Variants in DNAJC15 observed in about 807,000 individuals in gnomAD.
DNAJC15 encodes the protein DnaJ heat shock protein family (Hsp40) member C15, also known as dnaJ homolog subfamily C member 15.
DNAJC15 carries 27 observed loss-of-function variants against 22.4 expected under a neutral mutation model. The ratio of observed to expected loss-of-function variants is 1.20; its 90% CI spans 0.89 to 1.66. The LOEUF is 1.66. DNAJC15 is among the 40% of genes most tolerant of loss of function. The pLI, the probability that DNAJC15 is intolerant of heterozygous loss-of-function variation, is 0.00. For missense variants in DNAJC15, 208 were observed against 187.1 expected, an observed-to-expected ratio of 1.11 and a Z score of -0.65; for synonymous variants, 79 against 63.2, an observed-to-expected ratio of 1.25 and a Z score of -1.19.
rs1467885863 is a variant in DNAJC15, at chr13:43,047,571, A to T, written c.109-18115A>T. 2.0e-5 allele frequency among the ~76,000 whole-genome samples: 3 copies of T among 152,356 alleles called. No individual in the cohort carries two copies. In the East Asian group the frequency reaches 5.8e-4, roughly 29 times the overall value. ...TTTTCATAACCTTGTTTGAATCATTACGAGCATGTTAGGATACAGGTATTT... is the reference window on the plus strand; with the variant it reads ...TTTTCATAACCTTGTTTGAATCATTTCGAGCATGTTAGGATACAGGTATTT... On this transcript the variant is annotated intron_variant, in intron 1 of 5. Transcript: ENST00000379221.
At chr13:43,048,562 ATATC>A (rs2040488557) in intron 1 of DNAJC15, among the ~76,000 whole-genome samples, 1 of 152,238 alleles carries the variant, frequency 6.6e-6, no homozygotes, top group Non-Finnish European at 1.5e-5. Flanking sequence ...TTTTGAATAT[ATATC>A]ATCTTTTTTT....
chr13:43,043,125 A>AT (rs1329106488), intron 1 of DNAJC15, among the ~76,000 whole-genome samples: 1 of 152,016 alleles, frequency 6.6e-6, no homozygotes, highest in African/African-American at 2.4e-5. Flanking sequence ...GTTTATTTTT[A>AT]TTTTTTTGAA....
intron 3 of DNAJC15, 79 bp from the exon 4 acceptor site, chr13:43,078,533 T>G (rs2040646272): frequency 1.8e-6 from 2 of 1,126,924 alleles, no homozygotes; most frequent in Admixed American, 3.9e-5. Flanking sequence ...TTACTCTCAC[T>G]GCAGCTACAT....
Position 43,112,460 on chromosome 13 carries a change from G to A in DNAJC15, c.*5212G>A, listed in dbSNP as rs987812693. ...CAAATTAGTATCTCAACTTAGCAGGGGGGATCAACAGTGGCAAACTTCAAT... is the reference window on the plus strand; with the variant it reads ...CAAATTAGTATCTCAACTTAGCAGGAGGGATCAACAGTGGCAAACTTCAAT... On this transcript the variant is annotated 3_prime_UTR_variant, in exon 6 of 6. Transcript: ENST00000379221. 6.6e-6 allele frequency: 1 copy of A among 152,182 alleles called. No individual in the cohort carries two copies. Among genetic ancestry groups the A allele is most frequent in the Non-Finnish European group, 1.5e-5 (1 of 68,044 alleles). 9.4% of individuals were successfully genotyped at this position (152,182 alleles called of 1,614,324 possible). A position where few individuals can be genotyped will look rare whatever the true frequency, so the allele number is the denominator to read the frequency against.
intron 5 of DNAJC15, among the ~76,000 whole-genome samples, chr13:43,093,875 C>T (rs1214598557): frequency 1.3e-5 from 2 of 151,996 alleles, no homozygotes; most frequent in African/African-American, 2.4e-5. Flanking sequence ...TACATTTTTG[C>T]ACATCTCTTT....
intron 5 of DNAJC15, among the ~76,000 whole-genome samples, chr13:43,094,741 CTT>C (rs1347410256): frequency 6.6e-6 from 1 of 152,080 alleles, no homozygotes; most frequent in East Asian, 1.9e-4. Flanking sequence ...AGTTCTAAAT[CTT>C]TGAGTCTACA....
chr13:43,085,710 TA>T lies in DNAJC15; in HGVS notation c.312-56del. 3 of 1,462,830 alleles carry T rather than the reference TA, an allele frequency of 2.1e-6. No individual in the cohort carries two copies. The Admixed American group carries it at 6.0e-5, about 29-fold the overall frequency. 90.6% of individuals were successfully genotyped at this position (1,462,830 alleles called of 1,614,324 possible). On this transcript the variant is annotated intron_variant, in intron 4 of 5. Transcript: ENST00000379221. ...ATTTTTTGAAACCCATATAAACCCT[TA>T]ATTTATAATCTGCATTTGATGCTAT... is the stretch of plus-strand genomic sequence containing the variant.
chr13:43,072,058 C>A (rs898603237), intron 3 of DNAJC15, among the ~76,000 whole-genome samples: 6 of 152,144 alleles, frequency 3.9e-5, no homozygotes, highest in Non-Finnish European at 1.5e-5. Context: ...CCTGAACTCC[C>A]GCATTCCTGC....
chr13:43,105,187 G>T (rs557885044), intron 5 of DNAJC15, among the ~76,000 whole-genome samples: 32 of 152,040 alleles, frequency 2.1e-4, no homozygotes, highest in African/African-American at 7.7e-4. Context: ...ACTCTGTCAG[G>T]GAAGCTGCTG....
intron 1 of DNAJC15, among the ~76,000 whole-genome samples, chr13:43,053,859 A>G (rs1295661814): frequency 2.0e-5 from 3 of 146,592 alleles, no homozygotes; most frequent in Admixed American, 6.7e-5. Context: ...TCTTCAGCAA[A>G]TAGTGACAGT....
intron 1 of DNAJC15, among the ~76,000 whole-genome samples, chr13:43,046,685 T>C (rs2040478698): frequency 6.6e-6 from 1 of 152,212 alleles, no homozygotes; most frequent in Non-Finnish European, 1.5e-5. Context: ...CCTCTCACAT[T>C]GTACGGGAGC....
chr13:43,097,153 G>T (rs2040743708), intron 5 of DNAJC15, among the ~76,000 whole-genome samples: 1 of 152,212 alleles, frequency 6.6e-6, no homozygotes, highest in Non-Finnish European at 1.5e-5. Context: ...GTAGAGAATG[G>T]CAGCTGGAGG....
chr13:43,058,112 G>A (rs1343859402), intron 1 of DNAJC15, among the ~76,000 whole-genome samples: 4 of 152,152 alleles, frequency 2.6e-5, no homozygotes, highest in Admixed American at 2.6e-4. Context: ...AGGACCTCTG[G>A]TTAGCCAGGA....
chr13:43,065,830 GT>G, intron 2 of DNAJC15, 93 bp downstream of exon 2: 2 of 1,202,576 alleles, frequency 1.7e-6, no homozygotes, highest in Non-Finnish European at 2.4e-6. Flanking sequence ...GTATTCTGAG[GT>G]TTTGGTTTTC....
chr13:43,108,439 T>C lies in DNAJC15; in HGVS notation c.*1191T>C, dbSNP rs2040808840. On this transcript the variant is annotated 3_prime_UTR_variant, in exon 6 of 6. Coordinates refer to ENST00000379221, the MANE Select transcript of DNAJC15 (RefSeq NM_013238.3). The stretch of plus-strand genomic sequence containing the variant: ...ACTATTCCAAAGGTGAGAGAACAGA[T>C]TCAGATAGAGTGCCAGCATTGTTTC... The C allele has an allele frequency of 6.6e-6, 1 of 152,176 alleles. No homozygotes were observed. The highest frequency in any genetic ancestry group is 2.4e-5 in the African/African-American group (1 of 41,460). 9.4% of individuals were successfully genotyped at this position (152,176 alleles called of 1,614,324 possible). A position where few individuals can be genotyped will look rare whatever the true frequency, so the allele number is the denominator to read the frequency against.
intron 3 of DNAJC15, among the ~76,000 whole-genome samples, chr13:43,074,119 A>G (rs1008616785): frequency 6.6e-6 from 1 of 152,178 alleles, no homozygotes; most frequent in Non-Finnish European, 1.5e-5. Context: ...CAAATAGATT[A>G]TTGTACATAA....
In DNAJC15 at chr13:43,113,978, C is replaced by A. The variant is rs1013982534; in HGVS notation, c.*6730C>A. ...TTAGGTAATCAGTTTGCCTTCTACT[C>A]TATCTCATTTTGTACTCGCTTACAT... On this transcript the variant is annotated 3_prime_UTR_variant, in exon 6 of 6. Transcript: ENST00000379221. 2 of 152,166 alleles carry A rather than the reference C, an allele frequency of 1.3e-5. No individual in the cohort carries two copies. The highest frequency in any genetic ancestry group is 1.3e-4 in the Admixed American group (2 of 15,280). 9.4% of individuals were successfully genotyped at this position (152,166 alleles called of 1,614,324 possible).
At position 43,085,772 on chromosome 13, in the gene DNAJC15, T is replaced by C. The variant is rs950472198; in HGVS notation, c.316T>C (p.Ser106Pro). 3 of 1,612,224 alleles carry C rather than the reference T, an allele frequency of 1.9e-6. No homozygotes were observed. The highest frequency in any genetic ancestry group is 3.4e-5 in the Admixed American group (2 of 59,624). ...EAGLILGVSP[S>P]AGKAKIRTAH... ...CACTGTAATTTCTTTTTACAGCCCA[T>C]CTGCTGGCAAGGCTAAGATTAGAAC... Residue 106 changes from serine (S) to proline (P), a missense_variant, in exon 5 of 6, where the codon TCT (serine) becomes CCT (proline). Transcript: ENST00000379221.
intron 1 of DNAJC15, among the ~76,000 whole-genome samples, chr13:43,048,022 G>A (rs2040485578): frequency 1.3e-5 from 2 of 152,132 alleles, no homozygotes; most frequent in Admixed American, 6.5e-5. Context: ...GAAACCATTC[G>A]ATTTCACTGA....
Sources: gnomAD v4.1 joint callset for allele counts (sites outside exome capture counted in the v4.1 genomes callset) on GRCh38, gnomAD v4.1.1 for gene constraint, MANE v1.5 for transcripts, NCBI Gene and HGNC (gene_info 2026-07-23, HGNC 2026-07-21) for gene names.